Variants in ARHGAP26 observed in about 807,000 individuals in gnomAD.
ARHGAP26 encodes the protein Rho GTPase activating protein 26, also known as rho GTPase-activating protein 26.
In ARHGAP26, 38 loss-of-function variants were observed where a neutral mutation model predicts 104.8. The observed-to-expected ratio is 0.36, with a 90% confidence interval of 0.28 to 0.48. The LOEUF is 0.48. Ranked by LOEUF, ARHGAP26 falls within the 20% of genes least tolerant of loss-of-function variation. ARHGAP26 has a pLI of 0.99. For missense variants in ARHGAP26, 704 were observed against 947.9 expected, an observed-to-expected ratio of 0.74 and a Z score of 3.38; for synonymous variants, 341 against 340.0, an observed-to-expected ratio of 1.00 and a Z score of -0.03.
intron 20 of ARHGAP26, among the ~76,000 whole-genome samples, chr5:143,197,591 A>C (rs1214252017): frequency 6.6e-6 from 1 of 152,150 alleles, no homozygotes; most frequent in Non-Finnish European, 1.5e-5. Flanking sequence ...AGAAATCTTT[A>C]CATAGTCTGG....
chr5:143,170,366 G>A (rs1802599614), intron 20 of ARHGAP26: 2 of 152,180 alleles, frequency 1.3e-5, no homozygotes, highest in South Asian at 4.1e-4. Flanking sequence ...TCCACCTCAC[G>A]AGCTTTGCAA....
intron 20 of ARHGAP26, among the ~76,000 whole-genome samples, chr5:143,185,598 C>T (rs1302246529): frequency 6.6e-6 from 1 of 152,206 alleles, no homozygotes; most frequent in Non-Finnish European, 1.5e-5. Flanking sequence ...TGGCTGCACA[C>T]ACCCTAAGGC....
At chr5:142,923,879 TG>T (rs60038561) in intron 10 of ARHGAP26, among the ~76,000 whole-genome samples, 11,490 of 143,290 alleles carry the variant, frequency 0.08, 1,384 homozygotes, top group African/African-American at 0.25. Flanking sequence ...TTTTTTTTTT[TG>T]ATACGGAGTC....
In ARHGAP26 at chr5:143,188,981, G is replaced by A. The variant is rs533716586; in HGVS notation, c.1989-18217G>A. Among the ~76,000 whole-genome samples the A allele has an allele frequency of 2.0e-4, 31 of 152,280 alleles. No homozygotes were observed. The East Asian group carries it at 3.9e-3, about 19-fold the overall frequency. On this transcript the variant is annotated intron_variant, in intron 20 of 22. Transcript: ENST00000645722. ...TCCCCGTTTCCAAAATGGAACAAGC[G>A]ACATACTCTTTTAAGGGTGCACAGA...
At position 143,062,278 on chromosome 5, in the gene ARHGAP26, T is replaced by C. The variant is rs570751674; in HGVS notation, c.1538+4531T>C. Among the ~76,000 whole-genome samples the C allele has an allele frequency of 1.3e-3, 198 of 152,338 alleles. 1 individual carries two copies. The highest frequency in any genetic ancestry group is 4.6e-3 in the African/African-American group (191 of 41,574). ...AGAGAGGGTAATGAAGAGGGCAAAATTGACTTTACTCCATTGCCTCTTGCT... is the reference window on the plus strand; with the variant it reads ...AGAGAGGGTAATGAAGAGGGCAAAACTGACTTTACTCCATTGCCTCTTGCT... On this transcript the variant is annotated intron_variant, in intron 17 of 22. Transcript: ENST00000645722.
At position 143,213,368 on chromosome 5, in the gene ARHGAP26, G is replaced by C. The variant is rs73294164; in HGVS notation, c.2100-629G>C. On this transcript the variant is annotated intron_variant, in intron 21 of 22. Transcript: ENST00000645722. ...ACACTCCCCATACAGGTGCACGTGT[G>C]TGCTCATGCACACACATGTGTAATT... Among the ~76,000 whole-genome samples, 919 of 152,196 alleles carry C rather than the reference G, an allele frequency of 6.0e-3. 11 individuals are homozygous for C. The highest frequency in any genetic ancestry group is 0.021 in the African/African-American group (873 of 41,514).
chr5:143,143,042 A>G (rs1562499826), intron 19 of ARHGAP26, among the ~76,000 whole-genome samples: 2 of 151,940 alleles, frequency 1.3e-5, no homozygotes, highest in African/African-American at 4.8e-5. Flanking sequence ...TTTTGGCTCT[A>G]TGAGGCATCC....
intron 14 of ARHGAP26, 142 bp from the exon 15 acceptor site, chr5:143,054,297 T>A: frequency 1.8e-6 from 1 of 557,656 alleles, no homozygotes; most frequent in African/African-American, 1.9e-5. Context: ...TTTTCCTAAT[T>A]TAATAGGTAA....
At chr5:143,154,160 T>TAAA (rs10650559) in intron 20 of ARHGAP26, among the ~76,000 whole-genome samples, 9 of 142,464 alleles carry the variant, frequency 6.3e-5, no homozygotes, top group Non-Finnish European at 1.1e-4. Flanking sequence ...TTAAAAATAT[T>TAAA]AAAAAAAAAA....
At chr5:142,846,006 G>T (rs1561940751) in intron 1 of ARHGAP26, among the ~76,000 whole-genome samples, 1 of 151,920 alleles carries the variant, frequency 6.6e-6, no homozygotes, top group East Asian at 1.9e-4. Flanking sequence ...TGATTTTTTT[G>T]TTGTTATGGT....
chr5:142,925,786 G>A (rs1164089400), intron 10 of ARHGAP26, among the ~76,000 whole-genome samples: 1 of 152,152 alleles, frequency 6.6e-6, no homozygotes, highest in African/African-American at 2.4e-5. Flanking sequence ...CTTTGAATTT[G>A]ACCCTTAAAT....
At chr5:142,845,058 G>T (rs1261697426) in intron 1 of ARHGAP26, among the ~76,000 whole-genome samples, 2 of 152,074 alleles carry the variant, frequency 1.3e-5, no homozygotes, top group African/African-American at 2.4e-5. Context: ...TGATTTCTTG[G>T]CCTGTGTTGC....
At chr5:142,908,427 T>C (rs1761404820) in intron 9 of ARHGAP26, among the ~76,000 whole-genome samples, 1 of 152,244 alleles carries the variant, frequency 6.6e-6, no homozygotes, top group Admixed American at 6.5e-5. Flanking sequence ...TGTATCCTTT[T>C]CTTCCCTTTT....
chr5:143,193,143 C>T (rs1204763936), intron 20 of ARHGAP26, among the ~76,000 whole-genome samples: 2 of 152,022 alleles, frequency 1.3e-5, no homozygotes, highest in Admixed American at 6.6e-5. Flanking sequence ...AGGAATCATC[C>T]CTTTGCCACA....
At chr5:142,863,377 G>GA (rs1344695448) in intron 1 of ARHGAP26, among the ~76,000 whole-genome samples, 1 of 152,190 alleles carries the variant, frequency 6.6e-6, no homozygotes, top group Non-Finnish European at 1.5e-5. Context: ...AGAGTGCTGG[G>GA]ATTACAGGCG....
intron 11 of ARHGAP26, among the ~76,000 whole-genome samples, chr5:142,942,509 C>G (rs1168404992): frequency 6.6e-6 from 1 of 152,204 alleles, no homozygotes; most frequent in Non-Finnish European, 1.5e-5. Flanking sequence ...GACAAAGTCA[C>G]AAGTACTACT....
chr5:142,880,620 A>G (rs1756846722), intron 4 of ARHGAP26, among the ~76,000 whole-genome samples: 1 of 152,164 alleles, frequency 6.6e-6, no homozygotes, highest in African/African-American at 2.4e-5. Flanking sequence ...AATGAAAGCA[A>G]AAAGATTTCC....
At chr5:142,776,146 A>C (rs2151817227) in intron 1 of ARHGAP26, among the ~76,000 whole-genome samples, 1 of 152,138 alleles carries the variant, frequency 6.6e-6, no homozygotes, top group South Asian at 2.1e-4. Flanking sequence ...TGTTTTTATT[A>C]TTTGTGGAGA....
At chr5:143,054,741 T>C (rs540879972) in intron 15 of ARHGAP26, among the ~76,000 whole-genome samples, 2 of 152,354 alleles carry the variant, frequency 1.3e-5, no homozygotes, top group Admixed American at 6.5e-5. Context: ...CTGAGTGATT[T>C]AGGAAACTTT....
Sources: gnomAD v4.1 joint callset for allele counts (sites outside exome capture counted in the v4.1 genomes callset) on GRCh38, gnomAD v4.1.1 for gene constraint, MANE v1.5 for transcripts, NCBI Gene and HGNC (gene_info 2026-07-23, HGNC 2026-07-21) for gene names.